CRAT: variants seen among roughly 807,000 people sequenced by gnomAD.
CRAT encodes the protein carnitine O-acetyltransferase.
Under a neutral mutation model 73.7 loss-of-function variants are expected in CRAT, and 66 were observed. That is an observed-to-expected ratio of 0.90 (90% CI 0.73 to 1.10). The LOEUF (loss-of-function observed/expected upper bound fraction) is 1.10, where lower values mean the gene tolerates loss of function less well. Among genes scored for constraint, CRAT ranks in the 50% least tolerant of loss-of-function variants. The pLI is 0.00. For synonymous variants in CRAT, 321 were observed against 343.2 expected (o/e 0.94, Z 0.71); for missense variants, 745 against 846.9 (o/e 0.88, Z 1.49).
intron 8 of CRAT, 148 bp downstream of exon 8, chr9:129,099,718 G>C (rs1018139738): frequency 5.1e-6 from 3 of 585,772 alleles, no homozygotes; most frequent in Admixed American, 3.2e-5. Context: ...TTACAGGCGT[G>C]AGCCACCATA....
rs749984082 is a variant in CRAT at position 129,095,354 on chromosome 9, G to A, written c.*43C>T. On this transcript the variant is annotated 3_prime_UTR_variant, in exon 14 of 14. Coordinates refer to ENST00000318080, the MANE Select transcript of CRAT (RefSeq NM_000755.5). ...AGCCCTGGTGGGTGGCCCATCCCAG[G>A]GTGGGCTTGGCTGTGGCATTGGCAG... 6.3e-7 allele frequency: 1 copy of A among 1,594,160 alleles called. No homozygotes were observed. The highest frequency in any genetic ancestry group is 8.5e-7 in the Non-Finnish European group (1 of 1,171,904).
chr9:129,095,244 G>T lies in CRAT; in HGVS notation c.*153C>A. 1.2e-6 allele frequency: 1 copy of T among 824,432 alleles called. No homozygotes were observed. Among genetic ancestry groups the T allele is most frequent in the African/African-American group, 1.7e-5 (1 of 58,330 alleles). 51.1% of individuals were successfully genotyped at this position (824,432 alleles called of 1,614,324 possible). A position where few individuals can be genotyped will look rare whatever the true frequency, so the allele number is the denominator to read the frequency against. On this transcript the variant is annotated 3_prime_UTR_variant, in exon 14 of 14. Coordinates refer to ENST00000318080, the MANE Select transcript of CRAT (RefSeq NM_000755.5). ...GAAGGCACTTGGCTGGGGCCTGCAG[G>T]CCCCCTGGAGGATGCGGTCCGTGGC...
At chr9:129,098,800 C>CT (rs1279137213) in intron 8 of CRAT, 150 bp from the exon 9 acceptor site, 45 of 723,296 alleles carry the variant, frequency 6.2e-5, no homozygotes, top group Admixed American at 1.0e-4. Flanking sequence ...CTCACTTCAG[C>CT]TTTTTTTTCT....
chr9:129,099,843 G>C (rs1235223418), intron 8 of CRAT, 23 bp downstream of exon 8: 1 of 1,570,572 alleles, frequency 6.4e-7, no homozygotes, highest in Non-Finnish European at 8.7e-7. Context: ...GGGGAACTAG[G>C]CGAGAGATGT....
chr9:129,102,465 T>C lies in CRAT; in HGVS notation c.565A>G (p.Thr189Ala), dbSNP rs377397536. Reference sequence around the variant, plus strand: ...TTGGTCTTGCTGAAGTTGCTGACTGTGTCCTGCTTGGGGCCCGGCACTCGG... The same window carrying C: ...TTGGTCTTGCTGAAGTTGCTGACTGCGTCCTGCTTGGGGCCCGGCACTCGG... ...SCRVPGPKQD[T>A]VSNFSKTKKP... is the part of the protein sequence containing the mutation. Residue 189 changes from threonine (T) to alanine (A), a missense_variant, in exon 5 of 14, where the codon ACA becomes GCA. Physicochemically the swap from Thr to Ala is moderately conservative, Grantham distance 58. Transcript: ENST00000318080. 1.2e-6 allele frequency: 2 copies of C among 1,614,068 alleles called. No homozygotes were observed. Among genetic ancestry groups the C allele is most frequent in the African/African-American group, 2.7e-5 (2 of 74,920 alleles).
intron 1 of CRAT, chr9:129,108,289 G>T: frequency 9.8e-7 from 1 of 1,024,958 alleles, no homozygotes; most frequent in Non-Finnish European, 1.3e-6. Flanking sequence ...AGGGTGGGGT[G>T]TGGCCATGGT....
At chr9:129,109,922 G>A (rs1483404345) in intron 1 of CRAT, among the ~76,000 whole-genome samples, 1 of 127,304 alleles carries the variant, frequency 7.9e-6, no homozygotes, top group Non-Finnish European at 1.6e-5. Context: ...GGGCTGGAGG[G>A]AAGGATACAG....
At position 129,100,541 on chromosome 9, in the gene CRAT, G is replaced by T. The variant is rs113579980; in HGVS notation, c.954C>A (p.Ser318Arg). Residue 318 changes from serine (S) to arginine (R), a missense_variant, in exon 7 of 14, where the codon AGC becomes AGA. Coordinates refer to ENST00000318080, the MANE Select transcript of CRAT (RefSeq NM_000755.5). ...GCGTCTTGTCGAACCAGCGGTTGCC[G>T]CTGTTGAGCCTGCTGCCGCCCCCAT... is the stretch of plus-strand genomic sequence containing the variant. ...MLHGGGSRLN[S>R]GNRWFDKTLQ... 2 of 1,613,636 alleles carry T rather than the reference G, an allele frequency of 1.2e-6. No homozygotes were observed. Among genetic ancestry groups the T allele is most frequent in the Non-Finnish European group, 1.7e-6 (2 of 1,179,946 alleles).
intron 2 of CRAT, among the ~76,000 whole-genome samples, chr9:129,105,481 T>C (rs1473306504): frequency 1.3e-5 from 2 of 152,136 alleles, no homozygotes; most frequent in Non-Finnish European, 2.9e-5. Flanking sequence ...CCACCATGCC[T>C]GGCTCATTTT....
chr9:129,104,310 GGAAAA>G lies in CRAT; in HGVS notation c.292-9_292-5del. The G allele has an allele frequency of 6.2e-7, 1 of 1,611,628 alleles. No individual in the cohort carries two copies. Among genetic ancestry groups the G allele is most frequent in the South Asian group, 1.1e-5 (1 of 91,006 alleles). On this transcript the variant is annotated splice_polypyrimidine_tract_variant and splice_region_variant and intron_variant, in intron 2 of 13. Coordinates refer to ENST00000318080, the MANE Select transcript of CRAT (RefSeq NM_000755.5). ...TCTTGAGCCACCACTCAGACAGCTG[GGAAAA>G]GTGCCAGAGCCTGTCAGGAGGGGTG...
intron 11 of CRAT, among the ~76,000 whole-genome samples, 167 bp from the exon 12 acceptor site, chr9:129,097,479 C>T (rs1001360175): frequency 6.6e-6 from 1 of 152,072 alleles, no homozygotes; most frequent in African/African-American, 2.4e-5. Context: ...GAGGCCGAGG[C>T]AGGTGGATCC....
chr9:129,106,812 C>T lies in CRAT; in HGVS notation c.291+1002G>A, dbSNP rs914981481. 6.6e-6 allele frequency among the ~76,000 whole-genome samples: 1 copy of T among 152,076 alleles called. No homozygotes were observed. Among genetic ancestry groups the T allele is most frequent in the African/African-American group, 2.4e-5 (1 of 41,400 alleles). On this transcript the variant is annotated intron_variant, in intron 2 of 13. Coordinates refer to ENST00000318080, the MANE Select transcript of CRAT (RefSeq NM_000755.5). The surrounding 1 kb of genome is among the most constrained non-coding windows in gnomAD (Gnocchi z 4.0). The stretch of plus-strand genomic sequence containing the variant: ...GGCCGGACCCGCTCTGGCTCTCCCA[C>T]AGGTAGCTTCTCTCTCAGGCAACCC...
chr9:129,095,280 TGGGGGGACCAGGGAA>T lies in CRAT; in HGVS notation c.*102_*116del. The T allele has an allele frequency of 8.8e-7, 1 of 1,139,196 alleles. No homozygotes were observed. The highest frequency in any genetic ancestry group is 1.3e-6 in the Non-Finnish European group (1 of 797,206). 70.6% of individuals were successfully genotyped at this position (1,139,196 alleles called of 1,614,324 possible). A position where few individuals can be genotyped will look rare whatever the true frequency, so the allele number is the denominator to read the frequency against. ...GATGCGGTCCGTGGCTCAGTAGATT[TGGGGGGACCAGGGAA>T]GAGGGAACCAAGGAAGAGGGAACCA... On this transcript the variant is annotated 3_prime_UTR_variant, in exon 14 of 14. Coordinates refer to ENST00000318080, the MANE Select transcript of CRAT (RefSeq NM_000755.5).
chr9:129,098,271 C>G lies in CRAT; in HGVS notation c.1306G>C (p.Ala436Pro). The part of the protein sequence containing the change: ...KLSPDAFIQM[A>P]LQLAYYRIYG... ...CACCTGTAGTAGGCCAGCTGCAAAG[C>G]CATCTGGATGAAGGCATCTGGGCTT... The change falls in exon 10 of 14, where the codon GCT (alanine) becomes CCT (proline). Residue 436 changes from alanine to proline, a missense_variant. By Grantham distance (27) the Ala-to-Pro change is conservative (BLOSUM62 -1). Transcript: ENST00000318080. The G allele has an allele frequency of 6.2e-7, 1 of 1,613,988 alleles. No homozygotes were observed. The highest frequency in any genetic ancestry group is 8.5e-7 in the Non-Finnish European group (1 of 1,180,042).
Position 129,110,529 on chromosome 9 carries a change from ACACGCAGT to A in CRAT, c.-28_-21del, listed in dbSNP as rs1420038854. The A allele has an allele frequency of 2.5e-6, 4 of 1,577,358 alleles. No individual in the cohort carries two copies. In the African/African-American group the frequency reaches 5.6e-5, roughly 22 times the overall value. The stretch of plus-strand genomic sequence containing the variant: ...TAACATCTTCGCTGCCCGTCCGCGG[ACACGCAGT>A]CCGCTCCGCCCCACACACCGGGCAA... On this transcript the variant is annotated 5_prime_UTR_variant, in exon 1 of 14. Coordinates refer to ENST00000318080, the MANE Select transcript of CRAT (RefSeq NM_000755.5). This position sits in a 1 kb window ranked among gnomAD's most constrained non-coding sequence, Gnocchi z 5.3.
At chr9:129,109,310 C>G (rs564567667) in intron 1 of CRAT, 10 of 1,297,538 alleles carry the variant, frequency 7.7e-6, no homozygotes, top group Non-Finnish European at 3.1e-6. Context: ...GGAGCAGACA[C>G]CAGGAAAAGG....
rs1442529783 is a variant in CRAT, at chr9:129,110,386, A to G, written c.27+97T>C. 8 of 1,316,736 alleles carry G rather than the reference A, an allele frequency of 6.1e-6. No individual in the cohort carries two copies. Among genetic ancestry groups the G allele is most frequent in the Non-Finnish European group, 8.0e-6 (8 of 994,782 alleles). The allele number at this position is 1,316,736 out of a possible 1,614,324, so 81.6% of individuals were successfully genotyped here. ...ACCCCATCAGCTGGAGGCCGGGTCG[A>G]ACAGCGGCCGCAGGACGCGGTCTCC... On this transcript the variant is annotated intron_variant, in intron 1 of 13. Coordinates refer to ENST00000318080, the MANE Select transcript of CRAT (RefSeq NM_000755.5). This position sits in a 1 kb window ranked among gnomAD's most constrained non-coding sequence, Gnocchi z 5.3.
rs769148662 is a variant in CRAT, at chr9:129,101,915, G to T, written c.773C>A (p.Ser258Tyr). 4 of 1,614,178 alleles carry T rather than the reference G, an allele frequency of 2.5e-6. No individual in the cohort carries two copies. In the Admixed American group the frequency reaches 5.0e-5, roughly 20 times the overall value. Residue 258 changes from serine (S) to tyrosine (Y), a missense_variant, in exon 6 of 14, where the codon TCC becomes TAC. Transcript: ENST00000318080. Reference sequence around the variant, plus strand: ...GAGGGTGTTGTATGCCTTGGCCCAGGAGTTGCGGTGGTTGGAGGTGAGGAT... The same window carrying T: ...GAGGGTGTTGTATGCCTTGGCCCAGTAGTTGCGGTGGTTGGAGGTGAGGAT... ...VGILTSNHRN[S>Y]WAKAYNTLIK...
intron 6 of CRAT, 39 bp from the exon 7 acceptor site, chr9:129,100,728 C>T: frequency 6.3e-7 from 1 of 1,589,038 alleles, no homozygotes; most frequent in Non-Finnish European, 8.6e-7. Flanking sequence ...AAAATGGGGT[C>T]TCATGGTGTG....
Sources: allele counts gnomAD v4.1 joint callset (sites outside exome capture counted in the v4.1 genomes callset), GRCh38; gene constraint gnomAD v4.1.1; non-coding constraint Gnocchi (gnomAD v3.1); transcripts MANE v1.5; gene names NCBI Gene and HGNC (gene_info 2026-07-23, HGNC 2026-07-21).